The following TRAM2 variants were observed in gnomAD, a reference collection of about 807,000 sequenced individuals.
TRAM2 encodes the protein translocating chain-associated membrane protein 2.
TRAM2 carries 12 observed loss-of-function variants against 51.0 expected under a neutral mutation model. That is an observed-to-expected ratio of 0.24 (90% CI 0.15 to 0.38). TRAM2 has a LOEUF of 0.38. Ranked by LOEUF, TRAM2 falls within the 10% of genes least tolerant of loss-of-function variation. TRAM2 has a pLI of 1.00. For synonymous variants in TRAM2, 175 were observed against 179.4 expected, an observed-to-expected ratio of 0.98 and a Z score of 0.20; for missense variants, 361 against 462.0, an observed-to-expected ratio of 0.78 and a Z score of 2.00.
At chr6:52,572,222 A>G (rs1767691191) in intron 1 of TRAM2, among the ~76,000 whole-genome samples, 1 of 152,238 alleles carries the variant, frequency 6.6e-6, no homozygotes, top group African/African-American at 2.4e-5. Context: ...AACACCATGG[A>G]TAGAGTAAGT....
intron 2 of TRAM2, among the ~76,000 whole-genome samples, chr6:52,525,928 C>G (rs1766768837): frequency 6.6e-6 from 1 of 152,002 alleles, no homozygotes; most frequent in Non-Finnish European, 1.5e-5. Context: ...CAGACACAAA[C>G]AGAGGGAGGG....
At chr6:52,518,334 G>A (rs1043984787) in intron 2 of TRAM2, among the ~76,000 whole-genome samples, 5 of 152,194 alleles carry the variant, frequency 3.3e-5, no homozygotes, top group Non-Finnish European at 7.3e-5. Context: ...TGCTGGGGGC[G>A]GAGGGGAGGT....
rs944076653 is a variant in TRAM2 at position 52,499,163 on chromosome 6, A to G, written c.*4034T>C. 6.6e-6 allele frequency: 1 copy of G among 152,082 alleles called. No homozygotes were observed. The highest frequency in any genetic ancestry group is 1.5e-5 in the Non-Finnish European group (1 of 68,024). 9.4% of individuals were successfully genotyped at this position (152,082 alleles called of 1,614,324 possible). A position where few individuals can be genotyped will look rare whatever the true frequency, so the allele number is the denominator to read the frequency against. ...CAACCTTGAGCTGGAGAGAGATCCT[A>G]TTTAGGTTTTCCAGTCATCTGACAA... On this transcript the variant is annotated 3_prime_UTR_variant, in exon 11 of 11. Coordinates refer to ENST00000182527, the MANE Select transcript of TRAM2 (RefSeq NM_012288.4).
At chr6:52,529,443 C>T (rs9382116) in intron 2 of TRAM2, 33,739 of 152,080 alleles carry the variant, frequency 0.22, 3,927 homozygotes, top group Non-Finnish European at 0.27. Flanking sequence ...CCGTGCTTCT[C>T]GGGCTTTACG....
chr6:52,562,346 G>T (rs1293610454), intron 1 of TRAM2, among the ~76,000 whole-genome samples: 2 of 152,204 alleles, frequency 1.3e-5, no homozygotes, highest in Non-Finnish European at 2.9e-5. Flanking sequence ...GTGGGCTGCA[G>T]TTTGAGGAAT....
chr6:52,575,214 A>G (rs1767743271), intron 1 of TRAM2, among the ~76,000 whole-genome samples: 1 of 152,226 alleles, frequency 6.6e-6, no homozygotes, highest in Admixed American at 6.5e-5. Flanking sequence ...CCACCCTGTG[A>G]CGAAGACCAG....
intron 1 of TRAM2, among the ~76,000 whole-genome samples, chr6:52,573,289 A>G (rs1767709624): frequency 6.6e-6 from 1 of 152,088 alleles, no homozygotes; most frequent in African/African-American, 2.4e-5. Flanking sequence ...TTCAAATCTG[A>G]TACACATACC....
At chr6:52,508,462 G>A (rs1489278114) in intron 5 of TRAM2, 144 bp from the exon 6 acceptor site, 4 of 739,426 alleles carry the variant, frequency 5.4e-6, no homozygotes, top group East Asian at 2.7e-5. Flanking sequence ...GCCAGTGACC[G>A]CCGCACCCTG....
intron 1 of TRAM2, among the ~76,000 whole-genome samples, chr6:52,573,953 A>C (rs1432119633): frequency 1.3e-5 from 2 of 152,168 alleles, no homozygotes; most frequent in Admixed American, 6.5e-5. Flanking sequence ...AAGAATTATA[A>C]TTGAGTTTTC....
chr6:52,563,320 G>A (rs1406163618), intron 1 of TRAM2, among the ~76,000 whole-genome samples: 3 of 152,170 alleles, frequency 2.0e-5, no homozygotes, highest in African/African-American at 4.8e-5. Context: ...GTATAGGAAA[G>A]GAAACAGACA....
chr6:52,540,326 T>C (rs1443458375), intron 1 of TRAM2, among the ~76,000 whole-genome samples: 2 of 151,728 alleles, frequency 1.3e-5, no homozygotes, highest in Non-Finnish European at 2.9e-5. Context: ...AGAATGGTAA[T>C]GTAAAATGGA....
chr6:52,516,661 G>A lies in TRAM2; in HGVS notation c.261C>T (p.Ile87=), dbSNP rs763792079. The change falls in exon 3 of 11, where the codon ATC becomes ATT. Residue 87 remains isoleucine (I), a synonymous_variant. Coordinates refer to ENST00000182527, the MANE Select transcript of TRAM2 (RefSeq NM_012288.4). ...TGTACTCCTGAACCACAGCATGCAA[G>A]ATGATGGTGATGAAGATGTAGAACA... The part of the protein sequence containing the change: ...TILFYIFITI[I]LHAVVQEYIL... 2 of 1,614,154 alleles carry A rather than the reference G, an allele frequency of 1.2e-6. No individual in the cohort carries two copies. Among genetic ancestry groups the A allele is most frequent in the South Asian group, 2.2e-5 (2 of 91,084 alleles).
intron 1 of TRAM2, among the ~76,000 whole-genome samples, chr6:52,569,415 A>G (rs956863816): frequency 2.0e-5 from 3 of 150,832 alleles, no homozygotes; most frequent in African/African-American, 7.3e-5. Context: ...AAAGAAAGAA[A>G]TGCAGGTTGT....
chr6:52,538,689 T>C (rs1197920174), intron 1 of TRAM2, among the ~76,000 whole-genome samples: 1 of 152,186 alleles, frequency 6.6e-6, no homozygotes, highest in Non-Finnish European at 1.5e-5. Flanking sequence ...CATGGGCATT[T>C]TGTCAAACTC....
At chr6:52,536,485 T>A (rs1486816665) in intron 1 of TRAM2, among the ~76,000 whole-genome samples, 1 of 152,160 alleles carries the variant, frequency 6.6e-6, no homozygotes, top group Non-Finnish European at 1.5e-5. Context: ...AATGGCCAAA[T>A]CAGTACTGTG....
At chr6:52,509,675 C>G in intron 4 of TRAM2, 89 bp from the exon 5 acceptor site, 1 of 1,069,006 alleles carries the variant, frequency 9.4e-7, no homozygotes, top group South Asian at 1.4e-5. Flanking sequence ...AGGGATGCAT[C>G]CAGTCCCCAC....
chr6:52,544,233 A>G (rs1767156660), intron 1 of TRAM2, among the ~76,000 whole-genome samples: 1 of 152,212 alleles, frequency 6.6e-6, no homozygotes, highest in Non-Finnish European at 1.5e-5. Context: ...ACATAAAGAC[A>G]GGCCTTGACC....
intron 10 of TRAM2, among the ~76,000 whole-genome samples, chr6:52,504,325 T>TCC (rs1766299454): frequency 6.6e-6 from 1 of 152,012 alleles, no homozygotes; most frequent in African/African-American, 2.4e-5. Context: ...CTGCCAGAGT[T>TCC]CCCCACCCAG....
chr6:52,568,175 T>G (rs1480402343), intron 1 of TRAM2, among the ~76,000 whole-genome samples: 3 of 152,220 alleles, frequency 2.0e-5, no homozygotes, highest in Non-Finnish European at 4.4e-5. Context: ...GCTTCCCTGC[T>G]GCAGGCCCTC....
Sources: gnomAD v4.1 joint callset for allele counts (sites outside exome capture counted in the v4.1 genomes callset) on GRCh38, gnomAD v4.1.1 for gene constraint, MANE v1.5 for transcripts, NCBI Gene and HGNC (gene_info 2026-07-23, HGNC 2026-07-21) for gene names.